Variants in SYCP2 observed in about 807,000 individuals in gnomAD.
SYCP2 encodes synaptonemal complex lateral element protein.
SYCP2 carries 55 observed loss-of-function variants against 211.3 expected under a neutral mutation model. The ratio of observed to expected loss-of-function variants is 0.26; its 90% CI spans 0.21 to 0.33. SYCP2 has a LOEUF of 0.33. Ranked by LOEUF, SYCP2 falls within the 10% of genes least tolerant of loss-of-function variation. The pLI is 1.00. For missense variants in SYCP2, 1,731 were observed against 1,752.0 expected (o/e 0.99, Z 0.21); for synonymous variants, 570 against 555.2 (o/e 1.03, Z -0.37).
At chr20:59,866,816 T>C (rs2059346468) in intron 39 of SYCP2, among the ~76,000 whole-genome samples, 1 of 151,588 alleles carries the variant, frequency 6.6e-6, no homozygotes, top group Non-Finnish European at 1.5e-5. Flanking sequence ...GAGTCCACAA[T>C]TGTTTTCATA....
chr20:59,882,472 A>G lies in SYCP2; in HGVS notation c.2530-307T>C, dbSNP rs34629646. Among the ~76,000 whole-genome samples, 568 of 152,300 alleles carry G rather than the reference A, an allele frequency of 3.7e-3. 6 individuals are homozygous for G. Among genetic ancestry groups the G allele is most frequent in the South Asian group, 0.011 (52 of 4,832 alleles). ...GTATATATCCAAAAGAAAGGAAATC[A>G]ATATACCAAAGAGGTATCTGCACAC... On this transcript the variant is annotated intron_variant, in intron 26 of 44. Transcript: ENST00000357552.
intron 2 of SYCP2, among the ~76,000 whole-genome samples, chr20:59,929,838 CAA>C (rs74767265): frequency 3.8e-5 from 5 of 130,784 alleles, no homozygotes; most frequent in African/African-American, 5.6e-5. Flanking sequence ...GACCAAAAGA[CAA>C]AAAAAAAAAG....
At chr20:59,907,282 T>C (rs1354765285) in intron 15 of SYCP2, 82 bp downstream of exon 15, 9 of 900,806 alleles carry the variant, frequency 1.0e-5, no homozygotes, top group East Asian at 5.2e-5. Context: ...CATTAGTCTG[T>C]TTTGTTAACC....
chr20:59,879,852 T>TACAC (rs1305926343), intron 31 of SYCP2, among the ~76,000 whole-genome samples: 2 of 101,086 alleles, frequency 2.0e-5, no homozygotes, highest in African/African-American at 9.0e-5. Context: ...TATATATATA[T>TACAC]ATATATATAT....
At position 59,886,845 on chromosome 20, in the gene SYCP2, T is replaced by A. The variant is rs780621463; in HGVS notation, c.2365-11A>T. ...TTTTGACTTTTCTCTCTGAAAAAAA[T>A]TGTAAGTTACTTTTAAACTCTACCA... On this transcript the variant is annotated splice_polypyrimidine_tract_variant and intron_variant, in intron 24 of 44. Transcript: ENST00000357552. 3.2e-6 allele frequency: 5 copies of A among 1,561,204 alleles called. No homozygotes were observed. Among genetic ancestry groups the A allele is most frequent in the East Asian group, 2.3e-5 (1 of 43,324 alleles).
intron 24 of SYCP2, among the ~76,000 whole-genome samples, chr20:59,890,358 T>C (rs2059881524): frequency 6.6e-6 from 1 of 151,800 alleles, no homozygotes; most frequent in African/African-American, 2.4e-5. Flanking sequence ...TAAGAACACA[T>C]GGACACAGGG....
chr20:59,876,716 A>C (rs1457425028), intron 33 of SYCP2, among the ~76,000 whole-genome samples: 1 of 152,092 alleles, frequency 6.6e-6, no homozygotes, highest in East Asian at 1.9e-4. Context: ...TTAAATCTGT[A>C]AAGTGCTTAA....
chr20:59,876,369 CAAAAAAAAAAAAAAAAAAAAA>C (rs765782164), intron 33 of SYCP2, among the ~76,000 whole-genome samples: 587 of 23,050 alleles, frequency 0.025, 10 homozygotes, highest in Middle Eastern at 0.19. Context: ...GGCTGTGTCT[CAAAAAAAAAAAAAAAAAAAAA>C]AAAAAAAAAA....
chr20:59,884,087 T>A (rs1028050278), intron 26 of SYCP2, among the ~76,000 whole-genome samples: 8 of 152,068 alleles, frequency 5.3e-5, no homozygotes, highest in Admixed American at 2.6e-4. Flanking sequence ...CCTTTAACCT[T>A]AATACTTACT....
intron 10 of SYCP2, among the ~76,000 whole-genome samples, chr20:59,914,557 C>A (rs1455964170): frequency 6.6e-6 from 1 of 151,950 alleles, no homozygotes; most frequent in African/African-American, 2.4e-5. Context: ...AAGTAACCCA[C>A]ACAGTTGTCT....
At chr20:59,920,288 A>G in intron 5 of SYCP2, 71 bp downstream of exon 5, 1 of 1,328,510 alleles carries the variant, frequency 7.5e-7, no homozygotes, top group East Asian at 2.6e-5. Flanking sequence ...CAATTTGGAT[A>G]ATTTCTTACT....
intron 33 of SYCP2, among the ~76,000 whole-genome samples, chr20:59,875,941 G>GA (rs1416531494): frequency 6.6e-6 from 1 of 152,050 alleles, no homozygotes; most frequent in Non-Finnish European, 1.5e-5. Flanking sequence ...GAGAAGGGTA[G>GA]AAAAAAGCTT....
At chr20:59,906,359 T>C (rs1023573016) in intron 15 of SYCP2, among the ~76,000 whole-genome samples, 3 of 152,018 alleles carry the variant, frequency 2.0e-5, no homozygotes, top group South Asian at 2.1e-4. Flanking sequence ...AGTAGACCTA[T>C]GATAAATAGA....
chr20:59,867,119 G>T (rs1200644585), intron 39 of SYCP2, among the ~76,000 whole-genome samples: 1 of 45,666 alleles, frequency 2.2e-5, no homozygotes, highest in Non-Finnish European at 4.4e-5. Flanking sequence ...GGGGGGGGGG[G>T]AGGGTGTTGA....
rs779082341 is a variant in SYCP2, at chr20:59,880,444, G to A, written c.2800C>T (p.Leu934=). Residue 934 remains leucine (L), a synonymous_variant, in exon 31 of 45, where the codon CTG becomes TTG. Coordinates refer to ENST00000357552, the MANE Select transcript of SYCP2 (RefSeq NM_014258.4). ...KIITNHQKKN[L]FSDTETEYRC... ...TACTCTGTTTCAGTATCACTAAACAGATTTTTCTTTTGATGATTTGTTATA... is the reference window on the plus strand; with the variant it reads ...TACTCTGTTTCAGTATCACTAAACAAATTTTTCTTTTGATGATTTGTTATA... 1 of 1,580,006 alleles carries A rather than the reference G, an allele frequency of 6.3e-7. No homozygotes were observed. Among genetic ancestry groups the A allele is most frequent in the South Asian group, 1.2e-5 (1 of 86,022 alleles).
chr20:59,896,371 T>C, intron 19 of SYCP2, 58 bp downstream of exon 19: 1 of 991,578 alleles, frequency 1.0e-6, no homozygotes, highest in Non-Finnish European at 1.5e-6. Context: ...TTGCCTTAAA[T>C]TAAAAAATGC....
In SYCP2 at chr20:59,917,486, CAATT is replaced by C. The variant is rs376970901; in HGVS notation, c.428-919_428-916del. 5.5e-4 allele frequency among the ~76,000 whole-genome samples: 83 copies of C among 151,948 alleles called. 1 individual carries two copies. In the South Asian group the frequency reaches 0.017, roughly 30 times the overall value. The stretch of plus-strand genomic sequence containing the variant: ...AAAAAAGTACTCAGATGAAAAGATA[CAATT>C]ATTTACTTTAAAAATCAGGTGGATC... On this transcript the variant is annotated intron_variant, in intron 7 of 44. Coordinates refer to ENST00000357552, the MANE Select transcript of SYCP2 (RefSeq NM_014258.4).
intron 28 of SYCP2, among the ~76,000 whole-genome samples, 173 bp from the exon 29 acceptor site, chr20:59,881,665 A>C (rs2059684189): frequency 6.6e-6 from 1 of 150,638 alleles, no homozygotes; most frequent in Admixed American, 6.6e-5. Context: ...AAAATAGAAT[A>C]GTTTTTTTTT....
In SYCP2 at chr20:59,869,934, A is replaced by T. The variant is rs1378422544; in HGVS notation, c.3605T>A (p.Ile1202Lys). Residue 1202 changes from isoleucine (I) to lysine (K), a missense_variant, in exon 36 of 45, where the codon ATA becomes AAA. By Grantham distance (102) the Ile-to-Lys change is moderately radical (BLOSUM62 -3). This residue lies in a region of SYCP2 where 1,387 missense variants were observed against 1,351.3 expected (regional missense o/e 1.03). Transcript: ENST00000357552. Reference protein sequence around the residue: ...KSNTIVNRKKISSLVLTQETQ... With the variant: ...KSNTIVNRKKKSSLVLTQETQ... ...TTCTTGTGTAAGTACCAGAGAACTT[A>T]TTTTTTTTCTATTTACAATAGTATT... is the stretch of plus-strand genomic sequence containing the variant. 3 of 1,604,492 alleles carry T rather than the reference A, an allele frequency of 1.9e-6. No homozygotes were observed. The highest frequency in any genetic ancestry group is 1.3e-5 in the African/African-American group (1 of 74,470).
Sources: allele counts gnomAD v4.1 joint callset (sites outside exome capture counted in the v4.1 genomes callset), GRCh38; gene constraint gnomAD v4.1.1; regional missense constraint gnomAD v4.1.1; transcripts MANE v1.5; gene names NCBI Gene and HGNC (gene_info 2026-07-23, HGNC 2026-07-21).